Variants in ZNF385B observed in about 807,000 individuals in gnomAD.
ZNF385B encodes zinc finger protein 385B, also known as zinc finger protein 533.
In ZNF385B, 23 loss-of-function variants were observed where a neutral mutation model predicts 39.2. That is an observed-to-expected ratio of 0.59 (90% CI 0.42 to 0.83). The LOEUF (loss-of-function observed/expected upper bound fraction) is 0.83, where lower values mean the gene tolerates loss of function less well. Ranked by LOEUF, ZNF385B falls within the 40% of genes least tolerant of loss-of-function variation. ZNF385B has a pLI of 0.00. For synonymous variants in ZNF385B, 205 were observed against 222.6 expected (o/e 0.92, Z 0.70); for missense variants, 552 against 598.9 (o/e 0.92, Z 0.82).
At chr2:179,789,195 T>A (rs1169545043) in intron 1 of ZNF385B, among the ~76,000 whole-genome samples, 1 of 152,156 alleles carries the variant, frequency 6.6e-6, no homozygotes, top group Non-Finnish European at 1.5e-5. Context: ...CAAACTTACT[T>A]GTTGCCCCTA....
intron 3 of ZNF385B, among the ~76,000 whole-genome samples, chr2:179,628,570 A>C (rs999790066): frequency 6.6e-6 from 1 of 152,194 alleles, no homozygotes; most frequent in Non-Finnish European, 1.5e-5. Flanking sequence ...TCACATCAGA[A>C]GGTGAGTAAT....
chr2:179,823,823 G>A (rs1018803847), intron 1 of ZNF385B, among the ~76,000 whole-genome samples: 59 of 151,980 alleles, frequency 3.9e-4, no homozygotes, highest in African/African-American at 1.4e-3. Context: ...CAAAAATGAT[G>A]GTTTCCAAAT....
chr2:179,772,574 T>C (rs1388208445), intron 1 of ZNF385B, among the ~76,000 whole-genome samples: 1 of 152,222 alleles, frequency 6.6e-6, no homozygotes, highest in East Asian at 1.9e-4. Flanking sequence ...AGAGGCAAGA[T>C]ATCAGAGTCT....
At chr2:179,766,774 A>G (rs1559175550) in intron 3 of ZNF385B, among the ~76,000 whole-genome samples, 1 of 152,116 alleles carries the variant, frequency 6.6e-6, no homozygotes, top group African/African-American at 2.4e-5. Context: ...ATTCCAATAT[A>G]TTTTTTTGTG....
At chr2:179,730,476 T>C (rs1003006819) in intron 3 of ZNF385B, among the ~76,000 whole-genome samples, 5 of 152,232 alleles carry the variant, frequency 3.3e-5, no homozygotes, top group African/African-American at 9.6e-5. Context: ...GTATAAACTT[T>C]AGTTCTTCCT....
At chr2:179,817,831 G>A (rs1459398085) in intron 1 of ZNF385B, among the ~76,000 whole-genome samples, 1 of 152,186 alleles carries the variant, frequency 6.6e-6, no homozygotes, top group East Asian at 1.9e-4. Context: ...GACAATGTGA[G>A]TTTATGTGTG....
chr2:179,723,289 T>C (rs535204577), intron 3 of ZNF385B, among the ~76,000 whole-genome samples: 2 of 152,282 alleles, frequency 1.3e-5, no homozygotes, highest in African/African-American at 4.8e-5. Flanking sequence ...TTCCTGGAGA[T>C]TATATGCCCT....
chr2:179,635,277 C>G (rs776352318), intron 3 of ZNF385B, among the ~76,000 whole-genome samples: 18 of 151,176 alleles, frequency 1.2e-4, no homozygotes, highest in Non-Finnish European at 4.4e-5. Context: ...AGCAAACTGT[C>G]ATGAGCACAG....
At chr2:179,491,144 A>C (rs2055179300) in intron 5 of ZNF385B, among the ~76,000 whole-genome samples, 1 of 152,190 alleles carries the variant, frequency 6.6e-6, no homozygotes, top group Admixed American at 6.5e-5. Flanking sequence ...CAACATAGGT[A>C]ATGAGTAATA....
intron 1 of ZNF385B, among the ~76,000 whole-genome samples, chr2:179,791,861 A>G (rs1206176134): frequency 6.6e-6 from 1 of 152,110 alleles, no homozygotes; most frequent in Non-Finnish European, 1.5e-5. Flanking sequence ...GGTTCAAATG[A>G]TTCTCCTGCC....
At chr2:179,781,245 A>G (rs964006119) in intron 1 of ZNF385B, among the ~76,000 whole-genome samples, 4 of 152,216 alleles carry the variant, frequency 2.6e-5, no homozygotes, top group African/African-American at 9.6e-5. Flanking sequence ...ATCACAGCAT[A>G]TTATGAGGCT....
intron 3 of ZNF385B, among the ~76,000 whole-genome samples, chr2:179,729,111 T>A (rs1701208593): frequency 7.9e-6 from 1 of 127,378 alleles, no homozygotes; most frequent in East Asian, 2.8e-4. Flanking sequence ...AGAAAACTAA[T>A]GAAAATATTC....
chr2:179,627,733 T>A (rs1226514408), intron 3 of ZNF385B, among the ~76,000 whole-genome samples: 1 of 152,206 alleles, frequency 6.6e-6, no homozygotes, highest in Non-Finnish European at 1.5e-5. Flanking sequence ...AGCTATTTAC[T>A]AGCACACTAC....
At chr2:179,724,577 C>G (rs1439714931) in intron 3 of ZNF385B, among the ~76,000 whole-genome samples, 2 of 152,268 alleles carry the variant, frequency 1.3e-5, no homozygotes, top group Non-Finnish European at 2.9e-5. Flanking sequence ...AAGAGTTTAT[C>G]TAATGGAAAG....
intron 1 of ZNF385B, among the ~76,000 whole-genome samples, chr2:179,814,942 T>C (rs1484787918): frequency 6.6e-6 from 1 of 152,234 alleles, no homozygotes; most frequent in African/African-American, 2.4e-5. Flanking sequence ...AAAATTTAAG[T>C]AAACACATAA....
intron 5 of ZNF385B, among the ~76,000 whole-genome samples, chr2:179,503,891 T>TA (rs2056994476): frequency 6.7e-6 from 1 of 150,042 alleles, no homozygotes; most frequent in South Asian, 2.1e-4. Context: ...TTTTTTTTTT[T>TA]ATACTTTAAG....
At chr2:179,588,190 G>A (rs1286488618) in intron 3 of ZNF385B, among the ~76,000 whole-genome samples, 1 of 152,030 alleles carries the variant, frequency 6.6e-6, no homozygotes, top group Non-Finnish European at 1.5e-5. Flanking sequence ...CTGGGTTCAC[G>A]CCATTCTCCT....
intron 4 of ZNF385B, among the ~76,000 whole-genome samples, chr2:179,524,652 G>A (rs139679753): frequency 2.0e-5 from 3 of 148,336 alleles, no homozygotes; most frequent in South Asian, 2.1e-4. Context: ...TGCTGTCTCA[G>A]ACTGGATAGG....
intron 1 of ZNF385B, among the ~76,000 whole-genome samples, chr2:179,803,065 A>T (rs935920081): frequency 6.6e-6 from 1 of 152,194 alleles, no homozygotes; most frequent in Admixed American, 6.6e-5. Context: ...TGTGAGGGAA[A>T]CATTTTTATC....
Sources: allele counts gnomAD v4.1 joint callset (sites outside exome capture counted in the v4.1 genomes callset), GRCh38; gene constraint gnomAD v4.1.1; transcripts MANE v1.5; gene names NCBI Gene and HGNC (gene_info 2026-07-23, HGNC 2026-07-21).